MSRB3: variants seen among roughly 807,000 people sequenced by gnomAD.
MSRB3 encodes the protein methionine-R-sulfoxide reductase B3.
Under a neutral mutation model 21.0 loss-of-function variants are expected in MSRB3, and 13 were observed. The ratio of observed to expected loss-of-function variants is 0.62; its 90% confidence interval spans 0.40 to 0.98. The LOEUF (loss-of-function observed/expected upper bound fraction) is 0.98, where lower values mean the gene tolerates loss of function less well. MSRB3 is among the 50% of genes least tolerant of loss of function. The pLI is 0.00. For synonymous variants in MSRB3, 87 were observed against 88.6 expected, an observed-to-expected ratio of 0.98 and a Z score of 0.10; for missense variants, 199 against 230.3, an observed-to-expected ratio of 0.86 and a Z score of 0.88.
At chr12:65,447,128 A>G (rs1882656055) in intron 5 of MSRB3, among the ~76,000 whole-genome samples, 1 of 152,202 alleles carries the variant, frequency 6.6e-6, no homozygotes, top group African/African-American at 2.4e-5. Context: ...TCCATCAGCA[A>G]GTGATGACAG....
At chr12:65,351,992 C>T (rs1449382350) in intron 4 of MSRB3, among the ~76,000 whole-genome samples, 6 of 151,984 alleles carry the variant, frequency 3.9e-5, no homozygotes, top group South Asian at 2.1e-4. Context: ...ATACCAAAGC[C>T]GGACAGAGAC....
At chr12:65,419,631 G>A (rs1200637891) in intron 5 of MSRB3, 21 of 709,736 alleles carry the variant, frequency 3.0e-5, no homozygotes, top group Non-Finnish European at 4.9e-5. Context: ...CGATGGTCTT[G>A]AAATAATGGA....
At chr12:65,435,459 T>G (rs564399510) in intron 5 of MSRB3, among the ~76,000 whole-genome samples, 2 of 152,040 alleles carry the variant, frequency 1.3e-5, no homozygotes, top group East Asian at 3.9e-4. Context: ...CTTTGCCAGC[T>G]TCTCCACGTG....
intron 5 of MSRB3, among the ~76,000 whole-genome samples, chr12:65,379,245 C>T (rs573490264): frequency 1.3e-5 from 2 of 152,030 alleles, no homozygotes; most frequent in South Asian, 4.2e-4. Flanking sequence ...ACCCATCCAT[C>T]TATATAAAAG....
At chr12:65,281,292 T>C (rs575080856) in intron 1 of MSRB3, among the ~76,000 whole-genome samples, 1 of 152,358 alleles carries the variant, frequency 6.6e-6, no homozygotes, top group South Asian at 2.1e-4. Context: ...TGAATTTGAT[T>C]CCCATGTTTA....
chr12:65,308,394 G>A lies in MSRB3; in HGVS notation c.-51-135G>A, dbSNP rs1197708281. On this transcript the variant is annotated intron_variant, in intron 1 of 6. Coordinates refer to ENST00000308259, the MANE Select transcript of MSRB3 (RefSeq NM_001031679.3). ...AGTAAGCTCACGGGCTGAAAAATAG[G>A]CGTTTGAAATTTATTAGCAGTATGT... 5.9e-6 allele frequency: 7 copies of A among 1,189,112 alleles called. No homozygotes were observed. In the Admixed American group the frequency reaches 1.2e-4, roughly 21 times the overall value. The allele number at this position is 1,189,112 out of a possible 1,614,324, so 73.7% of individuals were successfully genotyped here. A position where few individuals can be genotyped will look rare whatever the true frequency, so the allele number is the denominator to read the frequency against.
intron 2 of MSRB3, among the ~76,000 whole-genome samples, chr12:65,319,889 T>C (rs1291866345): frequency 6.6e-6 from 1 of 152,192 alleles, no homozygotes; most frequent in Non-Finnish European, 1.5e-5. Flanking sequence ...TATCAGGATG[T>C]GTAGCCTTGG....
chr12:65,361,542 A>G (rs1414691622), intron 4 of MSRB3, among the ~76,000 whole-genome samples: 2 of 152,272 alleles, frequency 1.3e-5, no homozygotes, highest in East Asian at 1.9e-4. Flanking sequence ...ATATATTTTT[A>G]TATACCTTTT....
chr12:65,358,513 G>T (rs1045678890), intron 4 of MSRB3, among the ~76,000 whole-genome samples: 1 of 151,778 alleles, frequency 6.6e-6, no homozygotes, highest in Non-Finnish European at 1.5e-5. Context: ...TGGCTCCTTT[G>T]TCCCTTTGAT....
intron 2 of MSRB3, among the ~76,000 whole-genome samples, chr12:65,322,660 C>CAA (rs34770864): frequency 9.0e-4 from 79 of 87,466 alleles, no homozygotes; most frequent in African/African-American, 1.9e-3. Flanking sequence ...GACTCCATCT[C>CAA]AAAAAAAAAA....
chr12:65,439,509 G>T (rs1393637832), intron 5 of MSRB3, among the ~76,000 whole-genome samples: 2 of 151,562 alleles, frequency 1.3e-5, no homozygotes, highest in African/African-American at 4.8e-5. Context: ...AACATTAGAA[G>T]ATGATATATC....
rs1484560953 is a variant in MSRB3, at chr12:65,348,318, G to T, written c.263+19715G>T. ...TTCTTCCTGGTTTAGTCTTGGGAGG[G>T]TGTATGTGTTGAGGAATTTATCCAT... On this transcript the variant is annotated intron_variant, in intron 4 of 6. Transcript: ENST00000308259. Among the ~76,000 whole-genome samples, 12 of 152,286 alleles carry T rather than the reference G, an allele frequency of 7.9e-5. No homozygotes were observed. In the East Asian group the frequency reaches 2.1e-3, roughly 27 times the overall value.
At chr12:65,336,332 T>G (rs1875760778) in intron 4 of MSRB3, among the ~76,000 whole-genome samples, 1 of 152,216 alleles carries the variant, frequency 6.6e-6, no homozygotes, top group Admixed American at 6.5e-5. Flanking sequence ...ACTCAAAGTA[T>G]AACAATATAC....
chr12:65,298,618 A>G (rs1335938542), intron 1 of MSRB3, among the ~76,000 whole-genome samples: 1 of 152,170 alleles, frequency 6.6e-6, no homozygotes, highest in Non-Finnish European at 1.5e-5. Context: ...GAATATAAGG[A>G]GTCCATTTTC....
intron 2 of MSRB3, among the ~76,000 whole-genome samples, chr12:65,321,317 A>G (rs975466432): frequency 2.5e-4 from 38 of 152,172 alleles, no homozygotes; most frequent in African/African-American, 9.2e-4. Flanking sequence ...CTCAATAAAT[A>G]ATTATTGAAC....
chr12:65,428,983 T>C (rs1881748158), intron 5 of MSRB3, among the ~76,000 whole-genome samples: 1 of 152,120 alleles, frequency 6.6e-6, no homozygotes, highest in Admixed American at 6.5e-5. Context: ...GTCTCTATTG[T>C]CTTTATAATT....
At chr12:65,351,585 A>C (rs1422021095) in intron 4 of MSRB3, among the ~76,000 whole-genome samples, 3 of 149,770 alleles carry the variant, frequency 2.0e-5, no homozygotes, top group Non-Finnish European at 4.4e-5. Context: ...TAAAGAAAAA[A>C]AGAGAGAAGA....
At chr12:65,353,449 T>C (rs1877167618) in intron 4 of MSRB3, among the ~76,000 whole-genome samples, 2 of 152,214 alleles carry the variant, frequency 1.3e-5, no homozygotes, top group Admixed American at 1.3e-4. Context: ...TTAGCTCTTC[T>C]TGTTGAATTG....
chr12:65,432,509 T>A (rs1315454747), intron 5 of MSRB3, among the ~76,000 whole-genome samples: 1 of 152,044 alleles, frequency 6.6e-6, no homozygotes, highest in Non-Finnish European at 1.5e-5. Flanking sequence ...ATTTCCTTCT[T>A]TATCTATATC....
Sources: allele counts gnomAD v4.1 joint callset (sites outside exome capture counted in the v4.1 genomes callset), GRCh38; gene constraint gnomAD v4.1.1; transcripts MANE v1.5; gene names NCBI Gene and HGNC (gene_info 2026-07-23, HGNC 2026-07-21).